TRABD2B: variants seen among roughly 807,000 people sequenced by gnomAD.
TRABD2B encodes the protein metalloprotease TIKI2.
A neutral mutation model predicts 40.1 loss-of-function variants in TRABD2B; 14 were observed. The observed-to-expected ratio is 0.35, with a 90% CI of 0.23 to 0.55. TRABD2B has a LOEUF of 0.55. Among genes scored for constraint, TRABD2B ranks in the 20% least tolerant of loss-of-function variants. The probability of loss-of-function intolerance (pLI) is 0.90; values close to 1 mark genes in which losing one functional copy is unlikely to be tolerated. For synonymous variants in TRABD2B, 263 were observed against 277.0 expected, an observed-to-expected ratio of 0.95 and a Z score of 0.50; for missense variants, 541 against 648.6, an observed-to-expected ratio of 0.83 and a Z score of 1.80.
In TRABD2B at chr1:47,801,627, G is replaced by A. The variant is rs190470936; in HGVS notation, c.667-8C>T. 64 of 1,535,174 alleles carry A rather than the reference G, an allele frequency of 4.2e-5. No individual in the cohort carries two copies. The highest frequency in any genetic ancestry group is 1.7e-4 in the Middle Eastern group (1 of 5,904). On this transcript the variant is annotated splice_polypyrimidine_tract_variant and splice_region_variant and intron_variant, in intron 2 of 6. Transcript: ENST00000606738. ...GTTCAGGGCAAACAGCACCTGGGCC[G>A]AGGAAAGAGAGAGGAATGAGGGCTG...
chr1:47,869,662 A>G (rs946833), intron 2 of TRABD2B, among the ~76,000 whole-genome samples: 113,699 of 152,082 alleles, frequency 0.75, 42,876 homozygotes, highest in East Asian at 0.97. Flanking sequence ...GGCAGAGAGA[A>G]GGCAGGAAAA....
chr1:47,864,491 G>A (rs1318339306), intron 2 of TRABD2B, among the ~76,000 whole-genome samples: 1 of 151,988 alleles, frequency 6.6e-6, no homozygotes, highest in Non-Finnish European at 1.5e-5. Flanking sequence ...TTACAAAAAG[G>A]TCAATAGTGT....
At chr1:47,949,662 C>A (rs1251550100) in intron 2 of TRABD2B, among the ~76,000 whole-genome samples, 2 of 151,924 alleles carry the variant, frequency 1.3e-5, no homozygotes, top group African/African-American at 2.4e-5. Context: ...CCCGCCTCAT[C>A]CTCCCAAAGT....
At chr1:47,957,806 C>T (rs1054270458) in intron 2 of TRABD2B, among the ~76,000 whole-genome samples, 2 of 152,198 alleles carry the variant, frequency 1.3e-5, no homozygotes, top group Non-Finnish European at 2.9e-5. Flanking sequence ...TCCAGGAGAA[C>T]TTCCCCAACC....
At chr1:47,784,606 A>T (rs191532058) in intron 4 of TRABD2B, among the ~76,000 whole-genome samples, 1 of 152,338 alleles carries the variant, frequency 6.6e-6, no homozygotes, top group Non-Finnish European at 1.5e-5. Flanking sequence ...GAAACTTTCA[A>T]ATGCTAATCT....
rs1325894092 is a variant in TRABD2B at position 47,997,238 on chromosome 1, C to T, written c.-449G>A. ...GCGCTCCAGGAGGCGCGCAGTGGGA[C>T]AAGTGCGGCGGAAGGCGCGGCAGGG... On this transcript the variant is annotated 5_prime_UTR_variant, in exon 1 of 7. Transcript: ENST00000606738. 2.0e-6 allele frequency: 2 copies of T among 982,302 alleles called. No individual in the cohort carries two copies. Among genetic ancestry groups the T allele is most frequent in the South Asian group, 4.7e-5 (1 of 21,194 alleles). The allele number at this position is 982,302 out of a possible 1,614,324, so 60.8% of individuals were successfully genotyped here. A position where few individuals can be genotyped will look rare whatever the true frequency, so the allele number is the denominator to read the frequency against.
At chr1:47,968,659 T>A (rs759180904) in intron 2 of TRABD2B, among the ~76,000 whole-genome samples, 1 of 152,226 alleles carries the variant, frequency 6.6e-6, no homozygotes, top group Non-Finnish European at 1.5e-5. Context: ...TTAGGGTTCA[T>A]AGGCTGCTCT....
Position 47,775,358 on chromosome 1 carries a change from G to A in TRABD2B, c.1161C>T (p.Pro387=), listed in dbSNP as rs769468654. Residue 387 remains proline, a synonymous_variant, in exon 6 of 7, where the codon CCC becomes CCT. Coordinates refer to ENST00000606738, the MANE Select transcript of TRABD2B (RefSeq NM_001194986.2). ...PAPVTPAAAV[P]EAPSVTPTAP... is the part of the protein sequence containing the mutation. Reference sequence around the variant, plus strand: ...CGGTGGGGGTCACAGAGGGTGCTTCGGGGACAGCGGCAGCTGGGGTCACTG... The same window carrying A: ...CGGTGGGGGTCACAGAGGGTGCTTCAGGGACAGCGGCAGCTGGGGTCACTG... The A allele has an allele frequency of 1.2e-4, 151 of 1,239,114 alleles. No individual in the cohort carries two copies. The highest frequency in any genetic ancestry group is 4.5e-4 in the South Asian group (12 of 26,468). 76.8% of individuals were successfully genotyped at this position (1,239,114 alleles called of 1,614,324 possible). A position where few individuals can be genotyped will look rare whatever the true frequency, so the allele number is the denominator to read the frequency against.
intron 2 of TRABD2B, among the ~76,000 whole-genome samples, chr1:47,893,149 C>T (rs1644472483): frequency 6.6e-6 from 1 of 152,148 alleles, no homozygotes; most frequent in Non-Finnish European, 1.5e-5. Flanking sequence ...CCCTGGGTTA[C>T]CAGGAGAAGT....
chr1:47,938,412 A>G (rs1645142306), intron 2 of TRABD2B, among the ~76,000 whole-genome samples: 1 of 152,150 alleles, frequency 6.6e-6, no homozygotes, highest in Non-Finnish European at 1.5e-5. Context: ...TTTTCTGAAA[A>G]CTATGGTCCT....
At chr1:47,959,104 G>A (rs1051987504) in intron 2 of TRABD2B, among the ~76,000 whole-genome samples, 1 of 152,172 alleles carries the variant, frequency 6.6e-6, no homozygotes, top group Non-Finnish European at 1.5e-5. Flanking sequence ...ACCTGCTCCT[G>A]AATGACTACT....
intron 6 of TRABD2B, among the ~76,000 whole-genome samples, chr1:47,774,720 C>T (rs1028563491): frequency 6.6e-6 from 1 of 152,254 alleles, no homozygotes; most frequent in African/African-American, 2.4e-5. Context: ...TATCCCATCT[C>T]TCTCTTAGAG....
intron 2 of TRABD2B, among the ~76,000 whole-genome samples, chr1:47,970,119 T>A (rs969800548): frequency 6.6e-6 from 1 of 151,958 alleles, no homozygotes; most frequent in Admixed American, 6.6e-5. Context: ...GGATGACTTA[T>A]CAGAGACTCC....
At position 47,783,062 on chromosome 1, in the gene TRABD2B, A is replaced by T. The variant is rs548706419; in HGVS notation, c.989-4518T>A. ...TGGGGGGGTTGCGGCACACAGAGCC[A>T]TGCAGACAAAGAGAGGGAGAGAGGA... On this transcript the variant is annotated intron_variant, in intron 4 of 6. Coordinates refer to ENST00000606738, the MANE Select transcript of TRABD2B (RefSeq NM_001194986.2). Among the ~76,000 whole-genome samples the T allele has an allele frequency of 3.9e-5, 6 of 152,310 alleles. 1 individual carries two copies. In the South Asian group the frequency reaches 1.2e-3, roughly 32 times the overall value.
At chr1:47,816,869 C>T (rs1463781472) in intron 2 of TRABD2B, among the ~76,000 whole-genome samples, 1 of 152,146 alleles carries the variant, frequency 6.6e-6, no homozygotes, top group Middle Eastern at 3.2e-3. Context: ...AAAGGAGGCA[C>T]AGAGAGGTTA....
chr1:47,872,602 G>A (rs1208816841), intron 2 of TRABD2B, among the ~76,000 whole-genome samples: 1 of 152,196 alleles, frequency 6.6e-6, no homozygotes, highest in Admixed American at 6.5e-5. Context: ...TAGATGGTGA[G>A]AGAATGAAGA....
intron 2 of TRABD2B, among the ~76,000 whole-genome samples, chr1:47,936,667 T>C (rs762447147): frequency 1.3e-5 from 2 of 152,248 alleles, no homozygotes; most frequent in Non-Finnish European, 2.9e-5. Context: ...TGCACTCTCC[T>C]TGTTGTCAAA....
In TRABD2B at chr1:47,978,653, C is replaced by T. The variant is rs145998839; in HGVS notation, c.666+15381G>A. 2.3e-4 allele frequency among the ~76,000 whole-genome samples: 35 copies of T among 152,280 alleles called. No homozygotes were observed. The East Asian group carries it at 4.9e-3, about 21-fold the overall frequency. On this transcript the variant is annotated intron_variant, in intron 2 of 6. Coordinates refer to ENST00000606738, the MANE Select transcript of TRABD2B (RefSeq NM_001194986.2). ...CCTACGAAATGCCTTTGAATCCCAGCGATGATGAGAGACCCAAGGCTGTTT... is the reference window on the plus strand; with the variant it reads ...CCTACGAAATGCCTTTGAATCCCAGTGATGATGAGAGACCCAAGGCTGTTT...
At chr1:47,929,579 C>T (rs1223040526) in intron 2 of TRABD2B, among the ~76,000 whole-genome samples, 1 of 152,196 alleles carries the variant, frequency 6.6e-6, no homozygotes, top group Non-Finnish European at 1.5e-5. Flanking sequence ...CACTGAAGGA[C>T]CCAGTGTCCT....
Sources: allele counts gnomAD v4.1 joint callset (sites outside exome capture counted in the v4.1 genomes callset), GRCh38; gene constraint gnomAD v4.1.1; transcripts MANE v1.5; gene names NCBI Gene and HGNC (gene_info 2026-07-23, HGNC 2026-07-21).